Variants in BCAS3 observed in about 807,000 individuals in gnomAD.
BCAS3 encodes BCAS4/BCAS3 fusion.
Under a neutral mutation model 116.1 loss-of-function variants are expected in BCAS3, and 53 were observed. The ratio of observed to expected loss-of-function variants is 0.46; its 90% CI spans 0.37 to 0.57. BCAS3 has a LOEUF of 0.57. Among genes scored for constraint, BCAS3 ranks in the 20% least tolerant of loss-of-function variants. The probability of loss-of-function intolerance (pLI) is 0.00; values close to 1 mark genes in which losing one functional copy is unlikely to be tolerated. For missense variants in BCAS3, 917 were observed against 1,165.4 expected (o/e 0.79, Z 3.10); for synonymous variants, 391 against 408.2 (o/e 0.96, Z 0.51).
At chr17:61,269,664 A>T (rs1011950590) in intron 22 of BCAS3, among the ~76,000 whole-genome samples, 7 of 152,140 alleles carry the variant, frequency 4.6e-5, no homozygotes, top group African/African-American at 1.7e-4. Flanking sequence ...GTGTGAGGTG[A>T]TCTACCATTG....
chr17:61,204,917 C>T lies in BCAS3; in HGVS notation c.2425+120353C>T, dbSNP rs763410243. Among the ~76,000 whole-genome samples, 9 of 151,918 alleles carry T rather than the reference C, an allele frequency of 5.9e-5. No individual in the cohort carries two copies. The highest frequency in any genetic ancestry group is 1.2e-4 in the African/African-American group (5 of 41,352). Reference sequence around the variant, plus strand: ...AAATATAGAAATTAGCCTGGCGTGGCGGCACATACCTGTAGTCCCAGCTAC... The same window carrying T: ...AAATATAGAAATTAGCCTGGCGTGGTGGCACATACCTGTAGTCCCAGCTAC... On this transcript the variant is annotated intron_variant, in intron 22 of 23. Transcript: ENST00000407086. This position sits in a 1 kb window ranked among gnomAD's most constrained non-coding sequence, Gnocchi z 4.2.
intron 22 of BCAS3, among the ~76,000 whole-genome samples, chr17:61,119,090 T>C (rs904880960): frequency 1.3e-5 from 2 of 152,216 alleles, no homozygotes; most frequent in African/African-American, 4.8e-5. Context: ...ATCTCACCTT[T>C]GTGCTTGCAG....
intron 22 of BCAS3, among the ~76,000 whole-genome samples, chr17:61,242,844 T>TAAA (rs56059254): frequency 6.7e-6 from 1 of 149,452 alleles, no homozygotes; most frequent in Non-Finnish European, 1.5e-5. Flanking sequence ...TGGAATTCTT[T>TAAA]AAAAAAAAAC....
intron 22 of BCAS3, among the ~76,000 whole-genome samples, chr17:61,197,444 C>T (rs1198259943): frequency 6.6e-6 from 1 of 152,172 alleles, no homozygotes; most frequent in Non-Finnish European, 1.5e-5. Flanking sequence ...CTTTTGCCAA[C>T]ATTGAGGCAT....
intron 6 of BCAS3, among the ~76,000 whole-genome samples, chr17:60,792,069 G>C (rs1167633510): frequency 6.6e-6 from 1 of 152,204 alleles, no homozygotes; most frequent in African/African-American, 2.4e-5. Flanking sequence ...GTTGCAGTGA[G>C]CCGAGATCGT....
intron 22 of BCAS3, among the ~76,000 whole-genome samples, chr17:61,246,251 C>T (rs192820079): frequency 6.6e-6 from 1 of 151,908 alleles, no homozygotes. Flanking sequence ...GAGGCTGAGG[C>T]AGGCAGATGG....
chr17:61,299,010 A>G (rs938927618), intron 22 of BCAS3, among the ~76,000 whole-genome samples: 2 of 151,808 alleles, frequency 1.3e-5, no homozygotes, highest in South Asian at 2.1e-4. Context: ...TTTAGTAGAG[A>G]TGAGATTTCG....
intron 19 of BCAS3, among the ~76,000 whole-genome samples, chr17:61,061,681 A>G (rs2070056815): frequency 6.6e-6 from 1 of 152,204 alleles, no homozygotes; most frequent in Admixed American, 6.5e-5. Context: ...GTGTTCCTTG[A>G]ATTTATAATG....
chr17:61,157,982 C>G (rs1443721678), intron 22 of BCAS3, among the ~76,000 whole-genome samples: 1 of 152,164 alleles, frequency 6.6e-6, no homozygotes, highest in Non-Finnish European at 1.5e-5. Flanking sequence ...TTTGATATCT[C>G]TTCTTTCCTT....
In BCAS3 at chr17:61,130,758, C is replaced by T. The variant is rs143969794; in HGVS notation, c.2425+46194C>T. The T allele has an allele frequency of 6.6e-6, 1 of 152,398 alleles. No homozygotes were observed. The highest frequency in any genetic ancestry group is 1.9e-4 in the East Asian group (1 of 5,182). The allele number at this position is 152,398 out of a possible 1,614,324, so 9.4% of individuals were successfully genotyped here. On this transcript the variant is annotated intron_variant, in intron 22 of 23. Transcript: ENST00000407086. The surrounding 1 kb of genome is among the most constrained non-coding windows in gnomAD (Gnocchi z 5.0). ...CTGTTCTAGCTCCTGAAGTCAGCGT[C>T]AAGAAATATTGGTCTTGGCCAGGAG...
rs1461538424 is a variant in BCAS3, at chr17:61,068,230, A to T, written c.2030-6690A>T. ...ATGTAACTTTATTTTTCTTTAAATA[A>T]ACTCTATTAAGTTTTTTTTAGTACC... On this transcript the variant is annotated intron_variant, in intron 19 of 23. Coordinates refer to ENST00000407086, the MANE Select transcript of BCAS3 (RefSeq NM_017679.5). The surrounding 1 kb of genome is among the most constrained non-coding windows in gnomAD (Gnocchi z 4.3). Among the ~76,000 whole-genome samples the T allele has an allele frequency of 3.3e-5, 5 of 152,182 alleles. No individual in the cohort carries two copies. The highest frequency in any genetic ancestry group is 6.5e-5 in the Admixed American group (1 of 15,274).
Position 61,251,618 on chromosome 17 carries a change from T to C in BCAS3, c.2426-116709T>C, listed in dbSNP as rs1349334034. ...AGACTGGATCCTGGTCCATCCAAGA[T>C]GCTGCCCTTGAGACCTCTGGGTTGA... is the stretch of plus-strand genomic sequence containing the variant. On this transcript the variant is annotated intron_variant, in intron 22 of 23. Transcript: ENST00000407086. This position sits in a 1 kb window ranked among gnomAD's most constrained non-coding sequence, Gnocchi z 4.7. Among the ~76,000 whole-genome samples, 1 of 151,316 alleles carries C rather than the reference T, an allele frequency of 6.6e-6. No individual in the cohort carries two copies. Among genetic ancestry groups the C allele is most frequent in the Non-Finnish European group, 1.5e-5 (1 of 67,946 alleles).
intron 6 of BCAS3, among the ~76,000 whole-genome samples, chr17:60,771,744 A>G (rs376113842): frequency 5.3e-5 from 8 of 151,974 alleles, no homozygotes; most frequent in African/African-American, 1.9e-4. Flanking sequence ...ATGGTCCCCC[A>G]CCCTGTGTCC....
chr17:61,268,875 G>A (rs1470305027), intron 22 of BCAS3, among the ~76,000 whole-genome samples: 1 of 151,748 alleles, frequency 6.6e-6, no homozygotes, highest in Non-Finnish European at 1.5e-5. Context: ...GTCTTTTTAT[G>A]ATTTGCTTAT....
chr17:60,806,148 T>G (rs1046486309), intron 6 of BCAS3, among the ~76,000 whole-genome samples: 1 of 152,106 alleles, frequency 6.6e-6, no homozygotes, highest in Non-Finnish European at 1.5e-5. Context: ...AGTGCTGGGA[T>G]TACAGGCGTG....
Position 61,073,900 on chromosome 17 carries a change from G to A in BCAS3, c.2030-1020G>A, listed in dbSNP as rs909040845. On this transcript the variant is annotated intron_variant, in intron 19 of 23. Transcript: ENST00000407086. The surrounding 1 kb of genome is among the most constrained non-coding windows in gnomAD (Gnocchi z 4.6). ...AAAGCCAGAGGATCACTTGAGGCCA[G>A]GAGTTTGACACCAGCCTGGTCAACA... 6.6e-6 allele frequency among the ~76,000 whole-genome samples: 1 copy of A among 152,000 alleles called. No homozygotes were observed. Among genetic ancestry groups the A allele is most frequent in the Non-Finnish European group, 1.5e-5 (1 of 68,008 alleles).
chr17:61,327,072 G>A lies in BCAS3; in HGVS notation c.2426-41255G>A, dbSNP rs1602704979. On this transcript the variant is annotated intron_variant, in intron 22 of 23. Coordinates refer to ENST00000407086, the MANE Select transcript of BCAS3 (RefSeq NM_017679.5). The surrounding 1 kb of genome is among the most constrained non-coding windows in gnomAD (Gnocchi z 5.9). The stretch of plus-strand genomic sequence containing the variant: ...TGTAATCCCAGCACTTTGGGAGGCC[G>A]AGGTAGGCAGATCATGAGGTCAAGA... 1.3e-5 allele frequency among the ~76,000 whole-genome samples: 2 copies of A among 152,260 alleles called. No individual in the cohort carries two copies. Among genetic ancestry groups the A allele is most frequent in the Non-Finnish European group, 1.5e-5 (1 of 68,016 alleles).
chr17:60,896,633 G>A (rs1417185336), intron 10 of BCAS3, among the ~76,000 whole-genome samples: 1 of 149,056 alleles, frequency 6.7e-6, no homozygotes, highest in Admixed American at 6.7e-5. Flanking sequence ...TCTAATATAA[G>A]TATAACTACC....
rs1242883137 is a variant in BCAS3, at chr17:61,228,270, TG to T, written c.2426-140056del. ...CTCCTAAGCCCCAGCTGAGAAATTA[TG>T]AAGGCGACTATAGACACATCAAAAT... On this transcript the variant is annotated intron_variant, in intron 22 of 23. Transcript: ENST00000407086. This position sits in a 1 kb window ranked among gnomAD's most constrained non-coding sequence, Gnocchi z 5.0. Among the ~76,000 whole-genome samples the T allele has an allele frequency of 2.0e-5, 3 of 152,212 alleles. No individual in the cohort carries two copies. The highest frequency in any genetic ancestry group is 4.4e-5 in the Non-Finnish European group (3 of 68,040).
Sources: allele counts gnomAD v4.1 joint callset (sites outside exome capture counted in the v4.1 genomes callset), GRCh38; gene constraint gnomAD v4.1.1; non-coding constraint Gnocchi (gnomAD v3.1); transcripts MANE v1.5; gene names NCBI Gene and HGNC (gene_info 2026-07-23, HGNC 2026-07-21).